The following KAT6A variants were observed in gnomAD, a reference collection of about 807,000 sequenced individuals.
KAT6A encodes histone acetyltransferase KAT6A.
Under a neutral mutation model 198.4 loss-of-function variants are expected in KAT6A, and 9 were observed. The ratio of observed to expected loss-of-function variants is 0.05; its 90% CI spans 0.03 to 0.08. The LOEUF is 0.08. Ranked by LOEUF, KAT6A falls within the 10% of genes least tolerant of loss-of-function variation. The pLI, the probability that KAT6A is intolerant of heterozygous loss-of-function variation, is 1.00. For missense variants in KAT6A, 2,077 were observed against 2,509.9 expected (o/e 0.83, Z 3.69); for synonymous variants, 890 against 883.0 (o/e 1.01, Z -0.14).
At chr8:41,965,561 T>A (rs1055633036) in intron 8 of KAT6A, among the ~76,000 whole-genome samples, 11 of 152,206 alleles carry the variant, frequency 7.2e-5, no homozygotes, top group African/African-American at 2.7e-4. Context: ...ACTTTTTTTA[T>A]TACAGCGTCA....
chr8:41,978,903 T>C (rs535482876), intron 5 of KAT6A, 126 bp from the exon 6 acceptor site: 4 of 768,112 alleles, frequency 5.2e-6, no homozygotes, highest in African/African-American at 1.8e-5. Context: ...ATCTGATGAA[T>C]ACCCCCTCCA....
Position 42,000,431 on chromosome 8 carries a change from A to C in KAT6A, c.601-12868T>G, listed in dbSNP as rs545549124. On this transcript the variant is annotated intron_variant, in intron 2 of 16. Coordinates refer to ENST00000265713, the MANE Select transcript of KAT6A (RefSeq NM_006766.5). ...CGGGGTGTGGTGGCAAGCGCCTGTA[A>C]TCCCAGCTACTCTAGAGGCTGAGGC... Among the ~76,000 whole-genome samples the C allele has an allele frequency of 1.9e-3, 290 of 152,128 alleles. 1 individual carries two copies. The highest frequency in any genetic ancestry group is 4.5e-3 in the Admixed American group (68 of 15,274).
chr8:41,942,506 C>A, intron 14 of KAT6A: 1 of 388,214 alleles, frequency 2.6e-6, no homozygotes, highest in Non-Finnish European at 4.7e-6. Flanking sequence ...AACTACTATC[C>A]AGCTTAAAAC....
chr8:41,978,265 A>G (rs1824165161), intron 6 of KAT6A, among the ~76,000 whole-genome samples: 1 of 152,240 alleles, frequency 6.6e-6, no homozygotes, highest in African/African-American at 2.4e-5. Context: ...CACAGTAACA[A>G]CTTTTTCTTT....
intron 2 of KAT6A, among the ~76,000 whole-genome samples, chr8:42,040,735 C>CAAAAAAAAAAAAAAAAAAAA (rs59959496): frequency 2.9e-4 from 16 of 54,654 alleles, no homozygotes; most frequent in East Asian, 8.9e-4. Context: ...GACTCTGTCT[C>CAAAAAAAAAAAAAAAAAAAA]AAAAAAAAAA....
chr8:42,037,875 G>C (rs756843179), intron 2 of KAT6A, among the ~76,000 whole-genome samples: 1 of 152,144 alleles, frequency 6.6e-6, no homozygotes, highest in Non-Finnish European at 1.5e-5. Context: ...GTGATGCAGA[G>C]ATGAAGTGTT....
Position 42,048,987 on chromosome 8 carries a change from T to G in KAT6A, c.-10A>C. On this transcript the variant is annotated 5_prime_UTR_variant, in exon 2 of 17. Transcript: ENST00000265713. ...TTGCGAGTTTTACCATGGTGAAGGA[T>G]TCTGTATATCCATAGAGTCGTTATC... The G allele has an allele frequency of 6.2e-7, 1 of 1,609,618 alleles. No individual in the cohort carries two copies. The highest frequency in any genetic ancestry group is 2.2e-5 in the East Asian group (1 of 44,868).
chr8:41,980,865 T>G lies in KAT6A; in HGVS notation c.888A>C (p.Pro296=), dbSNP rs142396933. The G allele has an allele frequency of 2.7e-5, 43 of 1,612,612 alleles. No homozygotes were observed. Among genetic ancestry groups the G allele is most frequent in the Non-Finnish European group, 3.6e-5 (43 of 1,178,954 alleles). ...TCTCACCTTTTGGCATACGGGTGAGTGGCGGATCACAACACTCCATGTGAA... is the reference window on the plus strand; with the variant it reads ...TCTCACCTTTTGGCATACGGGTGAGGGGCGGATCACAACACTCCATGTGAA... ...RGFHMECCDP[P]LTRMPKGMWI... Residue 296 remains proline, a synonymous_variant, in exon 5 of 17, where the codon CCA becomes CCC. Transcript: ENST00000265713.
chr8:42,048,711 T>C lies in KAT6A; in HGVS notation c.267A>G (p.Gly89=). The part of the protein sequence containing the change: ...RIALPKPRNH[G]KLDNKQNVDW... ...CCACATTTTGTTTATTATCCAATTT[T>C]CCATGGTTCCGAGGCTTAGGAAGTG... Residue 89 remains glycine (G), a synonymous_variant, in exon 2 of 17, where the codon GGA becomes GGG. Coordinates refer to ENST00000265713, the MANE Select transcript of KAT6A (RefSeq NM_006766.5). The C allele has an allele frequency of 6.2e-7, 1 of 1,614,240 alleles. No homozygotes were observed. Among genetic ancestry groups the C allele is most frequent in the South Asian group, 1.1e-5 (1 of 91,088 alleles).
At chr8:42,008,483 G>A (rs555058120) in intron 2 of KAT6A, among the ~76,000 whole-genome samples, 4 of 152,058 alleles carry the variant, frequency 2.6e-5, no homozygotes, top group East Asian at 3.9e-4. Context: ...GATTACAGGC[G>A]TGCACCACCA....
intron 8 of KAT6A, among the ~76,000 whole-genome samples, chr8:41,962,340 T>A (rs1823239861): frequency 6.6e-6 from 1 of 151,998 alleles, no homozygotes; most frequent in South Asian, 2.1e-4. Flanking sequence ...GTTTAACACA[T>A]CCAAAATCAA....
intron 2 of KAT6A, among the ~76,000 whole-genome samples, chr8:42,046,827 G>C (rs1293722742): frequency 1.3e-5 from 2 of 152,022 alleles, no homozygotes; most frequent in African/African-American, 2.4e-5. Context: ...ATTACATAGA[G>C]CCATTTTATG....
chr8:41,941,675 C>G (rs1482398679), intron 14 of KAT6A, among the ~76,000 whole-genome samples: 1 of 152,108 alleles, frequency 6.6e-6, no homozygotes, highest in African/African-American at 2.4e-5. Context: ...ACTACAACTC[C>G]ACTTTACAAA....
rs1357480135 is a variant in KAT6A, at chr8:41,933,540, A to G, written c.4680T>C (p.Thr1560=). The G allele has an allele frequency of 6.2e-6, 10 of 1,613,958 alleles. No homozygotes were observed. Among genetic ancestry groups the G allele is most frequent in the Non-Finnish European group, 7.6e-6 (9 of 1,180,042 alleles). ...FSDLGSIEST[T]ENYENPSSYD... is the part of the protein sequence containing the mutation. ...AACTGCTTGGGTTCTCATAGTTTTC[A>G]GTGGTGCTCTCAATGCTGCCCAGGT... is the stretch of plus-strand genomic sequence containing the variant. The change falls in exon 17 of 17, where the codon ACT becomes ACC. Residue 1560 remains threonine, a synonymous_variant. Coordinates refer to ENST00000265713, the MANE Select transcript of KAT6A (RefSeq NM_006766.5). This position sits in a 1 kb window ranked among gnomAD's most constrained non-coding sequence, Gnocchi z 6.2.
At chr8:41,989,580 A>G (rs367931990) in intron 2 of KAT6A, among the ~76,000 whole-genome samples, 2 of 151,082 alleles carry the variant, frequency 1.3e-5, no homozygotes, top group Non-Finnish European at 3.0e-5. Context: ...CATAACTAAA[A>G]TAAAAAATAA....
chr8:41,956,007 ACT>A (rs1434334806), intron 8 of KAT6A, among the ~76,000 whole-genome samples: 1 of 152,170 alleles, frequency 6.6e-6, no homozygotes, highest in Non-Finnish European at 1.5e-5. Context: ...AAAGAAAGAC[ACT>A]CTGTTATATA....
chr8:41,966,228 T>C (rs769201684), intron 8 of KAT6A, among the ~76,000 whole-genome samples: 2 of 152,098 alleles, frequency 1.3e-5, no homozygotes, highest in Non-Finnish European at 2.9e-5. Context: ...TAATACGTCT[T>C]TGCCCTCCAG....
chr8:42,048,659 C>T lies in KAT6A; in HGVS notation c.319G>A (p.Val107Ile). 1 of 1,614,242 alleles carries T rather than the reference C, an allele frequency of 6.2e-7. No homozygotes were observed. ...CCACCAGACTCTGCCAAGCCCTCAA[C>T]TGCCCGCTTTATCAGTTTATTCCAA... ...VDWNKLIKRA[V>I]EGLAESGGST... Residue 107 changes from valine (V) to isoleucine (I), a missense_variant, in exon 2 of 17, where the codon GTT (valine) becomes ATT (isoleucine). Physicochemically the swap from Val to Ile is conservative, Grantham distance 29. Coordinates refer to ENST00000265713, the MANE Select transcript of KAT6A (RefSeq NM_006766.5).
intron 2 of KAT6A, among the ~76,000 whole-genome samples, chr8:42,001,714 C>T (rs1487685913): frequency 6.6e-6 from 1 of 152,138 alleles, no homozygotes; most frequent in East Asian, 1.9e-4. Flanking sequence ...CTTAACAATG[C>T]AAGTTCCTGA....
Sources: gnomAD v4.1 joint callset for allele counts (sites outside exome capture counted in the v4.1 genomes callset) on GRCh38, gnomAD v4.1.1 for gene constraint, Gnocchi (gnomAD v3.1) non-coding constraint, MANE v1.5 for transcripts, NCBI Gene and HGNC (gene_info 2026-07-23, HGNC 2026-07-21) for gene names.